The following TMCC1 variants were observed in gnomAD, a reference collection of about 807,000 sequenced individuals.
TMCC1 encodes the protein transmembrane and coiled-coil domain family 1.
TMCC1 carries 15 observed loss-of-function variants against 52.4 expected under a neutral mutation model. That is an observed-to-expected ratio of 0.29 (90% CI 0.19 to 0.44). The LOEUF (loss-of-function observed/expected upper bound fraction) is 0.44, where lower values mean the gene tolerates loss of function less well. Ranked by LOEUF, TMCC1 falls within the 20% of genes least tolerant of loss-of-function variation. The probability of loss-of-function intolerance (pLI) is 1.00; values close to 1 mark genes in which losing one functional copy is unlikely to be tolerated. For missense variants in TMCC1, 503 were observed against 806.0 expected, an observed-to-expected ratio of 0.62 and a Z score of 4.55; for synonymous variants, 279 against 301.9, an observed-to-expected ratio of 0.92 and a Z score of 0.79.
At chr3:129,719,632 A>C (rs573994189) in intron 4 of TMCC1, among the ~76,000 whole-genome samples, 1 of 152,332 alleles carries the variant, frequency 6.6e-6, no homozygotes, top group African/African-American at 2.4e-5. Context: ...ATTGAATTAA[A>C]GGATACCCAG....
chr3:129,744,729 T>A (rs1212145148), intron 4 of TMCC1, among the ~76,000 whole-genome samples: 1 of 152,232 alleles, frequency 6.6e-6, no homozygotes, highest in Non-Finnish European at 1.5e-5. Flanking sequence ...ATATATTTGA[T>A]ATAATCCTCA....
chr3:129,794,449 T>G, intron 4 of TMCC1: 2 of 452,352 alleles, frequency 4.4e-6, no homozygotes, highest in Admixed American at 4.8e-5. Context: ...CAGAACATTT[T>G]GAAGACTGCC....
intron 4 of TMCC1, among the ~76,000 whole-genome samples, chr3:129,815,114 TCAC>T (rs1241917632): frequency 2.0e-5 from 3 of 151,982 alleles, no homozygotes; most frequent in Admixed American, 2.0e-4. Context: ...ATTCTTTTCA[TCAC>T]CACAAGGGAA....
At chr3:129,797,449 T>C (rs1190701422) in intron 4 of TMCC1, among the ~76,000 whole-genome samples, 1 of 151,870 alleles carries the variant, frequency 6.6e-6, no homozygotes, top group African/African-American at 2.4e-5. Flanking sequence ...AATGTATATA[T>C]AAAACGTTTA....
chr3:129,766,112 A>G (rs1288582555), intron 4 of TMCC1, among the ~76,000 whole-genome samples: 1 of 152,210 alleles, frequency 6.6e-6, no homozygotes, highest in African/African-American at 2.4e-5. Flanking sequence ...GATTACTTGA[A>G]ATAAGGAGCA....
chr3:129,865,521 G>A lies in TMCC1; in HGVS notation c.-184+14788C>T, dbSNP rs534632210. On this transcript the variant is annotated intron_variant, in intron 2 of 6. Transcript: ENST00000393238. ...AAAAATATGGATGGCTATCAAAATA[G>A]CCCAAAGAGGATAGGGAGAAAATGA... Among the ~76,000 whole-genome samples, 34 of 152,228 alleles carry A rather than the reference G, an allele frequency of 2.2e-4. No homozygotes were observed. In the East Asian group the frequency reaches 6.0e-3, roughly 27 times the overall value.
At position 129,795,560 on chromosome 3, in the gene TMCC1, C is replaced by T. The variant is rs190908979; in HGVS notation, c.576+32243G>A. On this transcript the variant is annotated intron_variant, in intron 4 of 6. Coordinates refer to ENST00000393238, the MANE Select transcript of TMCC1 (RefSeq NM_001017395.5). ...TTGGAATGAACCTACTATGTGCAGT[C>T]ACTATGTTAGGCAGTTCACATTTAT... 2.0e-3 allele frequency among the ~76,000 whole-genome samples: 302 copies of T among 152,270 alleles called. 1 individual carries two copies. Among genetic ancestry groups the T allele is most frequent in the Non-Finnish European group, 3.2e-3 (219 of 68,024 alleles).
chr3:129,800,422 T>C (rs1030674675), intron 4 of TMCC1, among the ~76,000 whole-genome samples: 1 of 152,168 alleles, frequency 6.6e-6, no homozygotes, highest in Non-Finnish European at 1.5e-5. Context: ...CCTGTGGTTG[T>C]ACTAATTTAC....
At chr3:129,865,326 T>C (rs559423799) in intron 2 of TMCC1, among the ~76,000 whole-genome samples, 1 of 152,202 alleles carries the variant, frequency 6.6e-6, no homozygotes, top group East Asian at 1.9e-4. Context: ...ATTTTTTTTT[T>C]TTTTTATAGA....
At chr3:129,841,525 G>A (rs1262816384) in intron 2 of TMCC1, among the ~76,000 whole-genome samples, 1 of 152,192 alleles carries the variant, frequency 6.6e-6, no homozygotes. Flanking sequence ...AGAGGTTGCA[G>A]TGAGCCAAGA....
At chr3:129,847,569 AC>A (rs892174131) in intron 2 of TMCC1, 9 of 152,218 alleles carry the variant, frequency 5.9e-5, no homozygotes, top group African/African-American at 2.2e-4. Flanking sequence ...GTTTATCCAT[AC>A]ACTTGATGGA....
intron 1 of TMCC1, among the ~76,000 whole-genome samples, chr3:129,889,636 T>C (rs948429009): frequency 2.6e-5 from 4 of 152,178 alleles, no homozygotes; most frequent in Non-Finnish European, 5.9e-5. Flanking sequence ...TTAAAAATTA[T>C]AACAAATTTA....
intron 2 of TMCC1, among the ~76,000 whole-genome samples, chr3:129,840,620 T>G (rs528783579): frequency 5.4e-4 from 83 of 152,306 alleles, no homozygotes; most frequent in Non-Finnish European, 1.0e-3. Context: ...GGGAGGCGAC[T>G]GGATCACGGG....
intron 5 of TMCC1, 77 bp downstream of exon 5, chr3:129,670,253 T>A (rs1054606490): frequency 4.1e-6 from 6 of 1,470,048 alleles, no homozygotes; most frequent in African/African-American, 2.8e-5. Flanking sequence ...TAAAGACTTT[T>A]AAAAGCCATT....
chr3:129,765,166 C>T (rs1170587902), intron 4 of TMCC1, among the ~76,000 whole-genome samples: 1 of 150,842 alleles, frequency 6.6e-6, no homozygotes, highest in Admixed American at 6.6e-5. Flanking sequence ...TCACCTGCCC[C>T]ATACTTAAAA....
rs545113477 is a variant in TMCC1, at chr3:129,856,945, A to G, written c.-184+23364T>C. On this transcript the variant is annotated intron_variant, in intron 2 of 6. Coordinates refer to ENST00000393238, the MANE Select transcript of TMCC1 (RefSeq NM_001017395.5). ...ATGGGATTTTTTTTTTTGAGACGTA[A>G]TCTTGCTCCCTCACCCACACTGGGG... Among the ~76,000 whole-genome samples, 166 of 152,032 alleles carry G rather than the reference A, an allele frequency of 1.1e-3. 1 individual carries two copies. The highest frequency in any genetic ancestry group is 4.0e-3 in the African/African-American group (164 of 41,492).
intron 4 of TMCC1, chr3:129,688,658 A>G (rs936322628): frequency 1.0e-6 from 1 of 985,376 alleles, no homozygotes; most frequent in African/African-American, 1.7e-5. Flanking sequence ...TGTGCTGAAT[A>G]AACAGAAAGC....
At chr3:129,836,424 T>A (rs1345227967) in intron 2 of TMCC1, among the ~76,000 whole-genome samples, 1 of 152,160 alleles carries the variant, frequency 6.6e-6, no homozygotes, top group Non-Finnish European at 1.5e-5. Flanking sequence ...CAGAAAGAGA[T>A]CATTTACAAA....
chr3:129,711,826 TAAAAAA>T (rs66986935), intron 4 of TMCC1, among the ~76,000 whole-genome samples: 1 of 118,730 alleles, frequency 8.4e-6, no homozygotes, highest in Admixed American at 9.0e-5. Flanking sequence ...CCGTCTCTAC[TAAAAAA>T]AAAAAAAAAA....
Sources: allele counts gnomAD v4.1 joint callset (sites outside exome capture counted in the v4.1 genomes callset), GRCh38; gene constraint gnomAD v4.1.1; transcripts MANE v1.5; gene names NCBI Gene and HGNC (gene_info 2026-07-23, HGNC 2026-07-21).